The following NBAS variants were observed in gnomAD, a reference collection of about 807,000 sequenced individuals.
NBAS encodes NBAS subunit of NRZ tethering complex, also known as NAG/BC035112 fusion.
In NBAS, 219 loss-of-function variants were observed where a neutral mutation model predicts 302.5. The ratio of observed to expected loss-of-function variants is 0.72; its 90% CI spans 0.65 to 0.81. NBAS has a LOEUF of 0.81. NBAS is among the 30% of genes least tolerant of loss of function. The pLI is 0.00. For missense variants in NBAS, 2,932 were observed against 2,841.6 expected (o/e 1.03, Z -0.72); for synonymous variants, 1,118 against 1,021.6 (o/e 1.09, Z -1.80).
At chr2:15,085,661 G>C in the NBAS span, among the ~76,000 whole-genome samples, 1 of 152,200 alleles carries the variant, frequency 6.6e-6, no homozygotes, top group Admixed American at 6.5e-5. Flanking sequence ...CAGGATAATG[G>C]ATCCGGGCCT....
At chr2:14,804,647 A>G in the NBAS span, among the ~76,000 whole-genome samples, 1 of 152,228 alleles carries the variant, frequency 6.6e-6, no homozygotes, top group Non-Finnish European at 1.5e-5. Flanking sequence ...GAACACAACT[A>G]TAAGGAATAA....
At chr2:15,081,567 C>G in the NBAS span, among the ~76,000 whole-genome samples, 482 of 152,336 alleles carry the variant, frequency 3.2e-3, 2 homozygotes, top group African/African-American at 0.01. Context: ...AAAGGCATTG[C>G]GCAAGAATAC....
At chr2:15,376,724 A>G (rs1281793590) in intron 30 of NBAS, among the ~76,000 whole-genome samples, 1 of 152,138 alleles carries the variant, frequency 6.6e-6, no homozygotes, top group African/African-American at 2.4e-5. Context: ...TTAAATATTT[A>G]TTGCTTCCTA....
At chr2:15,438,935 C>G (rs6431701) in intron 21 of NBAS, among the ~76,000 whole-genome samples, 6,365 of 152,116 alleles carry the variant, frequency 0.042, 428 homozygotes, top group African/African-American at 0.14. Flanking sequence ...TTCCAGTCAG[C>G]CAGAATACGA....
chr2:14,869,115 A>C, the NBAS span, among the ~76,000 whole-genome samples: 3 of 152,146 alleles, frequency 2.0e-5, no homozygotes, highest in African/African-American at 7.2e-5. Context: ...TGAAATAAAT[A>C]AGCAAGTTTT....
the NBAS span, among the ~76,000 whole-genome samples, chr2:14,934,262 A>G: frequency 3.3e-5 from 5 of 152,228 alleles, no homozygotes; most frequent in African/African-American, 1.2e-4. Flanking sequence ...TGACTTTTAA[A>G]TATAATTAAA....
the NBAS span, among the ~76,000 whole-genome samples, chr2:14,907,939 C>T: frequency 1.3e-5 from 2 of 152,214 alleles, no homozygotes; most frequent in East Asian, 3.8e-4. Flanking sequence ...TGCTTTTGTC[C>T]TGGAGCAGCA....
chr2:15,516,758 A>AT (rs1298228927), intron 9 of NBAS, among the ~76,000 whole-genome samples: 3 of 151,922 alleles, frequency 2.0e-5, no homozygotes, highest in African/African-American at 7.3e-5. Context: ...GGGAGAAGTT[A>AT]TTTACAACAC....
intron 50 of NBAS, among the ~76,000 whole-genome samples, chr2:15,183,951 T>A (rs1254897043): frequency 6.6e-6 from 1 of 152,162 alleles, no homozygotes; most frequent in African/African-American, 2.4e-5. Context: ...ACTCTATTTG[T>A]CAAAGTACCT....
chr2:14,951,676 T>A, the NBAS span, among the ~76,000 whole-genome samples: 1 of 152,224 alleles, frequency 6.6e-6, no homozygotes, highest in South Asian at 2.1e-4. Context: ...TATTGAATAC[T>A]GCCTGTACTT....
the NBAS span, among the ~76,000 whole-genome samples, chr2:14,871,975 TA>T: frequency 1.3e-5 from 2 of 152,080 alleles, no homozygotes; most frequent in Non-Finnish European, 2.9e-5. Context: ...AAGACCCAAA[TA>T]TATGCTGACT....
chr2:15,209,940 G>C (rs1367591300), intron 48 of NBAS, among the ~76,000 whole-genome samples: 7 of 152,048 alleles, frequency 4.6e-5, no homozygotes, highest in Non-Finnish European at 1.0e-4. Flanking sequence ...AATAAAACTA[G>C]ACCTCTATCT....
At chr2:14,837,747 T>C in the NBAS span, among the ~76,000 whole-genome samples, 78 of 151,936 alleles carry the variant, frequency 5.1e-4, no homozygotes, top group Admixed American at 2.2e-3. Context: ...AAAAAAATTA[T>C]ATTTTCAAAA....
intron 50 of NBAS, among the ~76,000 whole-genome samples, chr2:15,181,392 T>C (rs1212323405): frequency 6.6e-6 from 1 of 152,196 alleles, no homozygotes; most frequent in Non-Finnish European, 1.5e-5. Context: ...CTACTTTTCA[T>C]CTCTTAGCTA....
chr2:14,875,801 A>G, the NBAS span, among the ~76,000 whole-genome samples: 1 of 152,202 alleles, frequency 6.6e-6, no homozygotes, highest in Non-Finnish European at 1.5e-5. Flanking sequence ...ATAAAATTAT[A>G]CTGATGTCTG....
intron 51 of NBAS, among the ~76,000 whole-genome samples, chr2:15,175,187 C>A (rs551294444): frequency 1.6e-4 from 25 of 152,206 alleles, no homozygotes; most frequent in Non-Finnish European, 2.8e-4. Context: ...AGGATGGTCT[C>A]GATCTCCTGA....
chr2:15,126,367 T>C, the NBAS span, among the ~76,000 whole-genome samples: 6 of 152,300 alleles, frequency 3.9e-5, no homozygotes, highest in South Asian at 2.1e-4. Context: ...ACCTCGGGTA[T>C]TCCTTTACAG....
At chr2:14,952,411 C>A in the NBAS span, among the ~76,000 whole-genome samples, 1 of 152,312 alleles carries the variant, frequency 6.6e-6, no homozygotes, top group Non-Finnish European at 1.5e-5. Context: ...TTTGCTCATG[C>A]AAAACACTTG....
intron 21 of NBAS, among the ~76,000 whole-genome samples, chr2:15,440,951 A>C (rs1033188332): frequency 1.8e-4 from 28 of 152,142 alleles, no homozygotes; most frequent in Non-Finnish European, 3.5e-4. Flanking sequence ...AGGGAAGTTT[A>C]GAGAAAAAAG....
Sources: allele counts gnomAD v4.1 joint callset (sites outside exome capture counted in the v4.1 genomes callset), GRCh38; gene constraint gnomAD v4.1.1; transcripts MANE v1.5; gene names NCBI Gene and HGNC (gene_info 2026-07-23, HGNC 2026-07-21).